SNTG1: variants seen among roughly 807,000 people sequenced by gnomAD.
SNTG1 encodes the protein syntrophin gamma 1, also known as gamma-1-syntrophin.
SNTG1 carries 39 observed loss-of-function variants against 74.7 expected under a neutral mutation model. The ratio of observed to expected loss-of-function variants is 0.52; its 90% CI spans 0.40 to 0.68. SNTG1 has a LOEUF of 0.68. Among genes scored for constraint, SNTG1 ranks in the 30% least tolerant of loss-of-function variants. SNTG1 has a pLI of 0.00. For missense variants in SNTG1, 685 were observed against 609.5 expected, an observed-to-expected ratio of 1.12 and a Z score of -1.30; for synonymous variants, 254 against 217.1, an observed-to-expected ratio of 1.17 and a Z score of -1.49.
Position 50,027,391 on chromosome 8 carries a change from G to A in SNTG1, c.-103+115160G>A, listed in dbSNP as rs529647421. On this transcript the variant is annotated intron_variant, in intron 1 of 18. Coordinates refer to ENST00000642720, the MANE Select transcript of SNTG1 (RefSeq NM_018967.5). Reference sequence around the variant, plus strand: ...GTCCATCTGTACTGCGTTGAACAATGTCTTCCAAAAATCTCTGTCTACCCA... The same window carrying A: ...GTCCATCTGTACTGCGTTGAACAATATCTTCCAAAAATCTCTGTCTACCCA... 2.0e-5 allele frequency among the ~76,000 whole-genome samples: 3 copies of A among 152,236 alleles called. No individual in the cohort carries two copies. In the South Asian group the frequency reaches 6.2e-4, roughly 32 times the overall value.
chr8:50,193,340 A>C lies in SNTG1; in HGVS notation c.-28+20705A>C, dbSNP rs142384511. 4.6e-5 allele frequency among the ~76,000 whole-genome samples: 7 copies of C among 152,156 alleles called. No homozygotes were observed. In the East Asian group the frequency reaches 1.2e-3, roughly 25 times the overall value. On this transcript the variant is annotated intron_variant, in intron 2 of 18. Coordinates refer to ENST00000642720, the MANE Select transcript of SNTG1 (RefSeq NM_018967.5). ...ACAATTTATTTCAGCAGTGTTTTGT[A>C]GTTTTCCTCATAGAAGTCTTTAGGC...
At chr8:50,122,517 GC>G (rs1399642587) in intron 1 of SNTG1, among the ~76,000 whole-genome samples, 1 of 141,890 alleles carries the variant, frequency 7.0e-6, no homozygotes, top group African/African-American at 2.5e-5. Flanking sequence ...GGCTATTAGA[GC>G]CTGAAGAATG....
rs529198311 is a variant in SNTG1 at position 50,462,851 on chromosome 8, T to C, written c.363+12122T>C. Among the ~76,000 whole-genome samples the C allele has an allele frequency of 9.7e-5, 12 of 123,126 alleles. No homozygotes were observed. The East Asian group carries it at 3.3e-3, about 33-fold the overall frequency. 80.8% of individuals were successfully genotyped at this position (123,126 alleles called of 152,430 possible). A position where few individuals can be genotyped will look rare whatever the true frequency, so the allele number is the denominator to read the frequency against. On this transcript the variant is annotated intron_variant, in intron 8 of 18. Transcript: ENST00000642720. Reference sequence around the variant, plus strand: ...TTTTTTTTTTGAGACGAAGTCTCATTGTGTTGCCAGGCTGGAGTGCAATGA... The same window carrying C: ...TTTTTTTTTTGAGACGAAGTCTCATCGTGTTGCCAGGCTGGAGTGCAATGA...
intron 1 of SNTG1, among the ~76,000 whole-genome samples, chr8:50,102,637 G>A (rs1158278128): frequency 6.7e-6 from 1 of 149,124 alleles, no homozygotes; most frequent in Non-Finnish European, 1.5e-5. Context: ...CCTTGCCCAT[G>A]CCTATGTCCT....
At chr8:50,099,017 T>C (rs985966549) in intron 1 of SNTG1, among the ~76,000 whole-genome samples, 16 of 152,140 alleles carry the variant, frequency 1.1e-4, no homozygotes, top group Non-Finnish European at 1.8e-4. Flanking sequence ...AGAAGGCATT[T>C]TGAAATTTTT....
intron 17 of SNTG1, among the ~76,000 whole-genome samples, chr8:50,720,813 T>C (rs193157456): frequency 9.4e-4 from 143 of 152,316 alleles, no homozygotes; most frequent in African/African-American, 3.4e-3. Flanking sequence ...TTTTAACATG[T>C]TCTATAGAAT....
chr8:50,757,768 T>C (rs1198994540), intron 18 of SNTG1, among the ~76,000 whole-genome samples: 1 of 151,976 alleles, frequency 6.6e-6, no homozygotes, highest in African/African-American at 2.4e-5. Context: ...TAGTCTTCCA[T>C]GTTTTACAGC....
intron 5 of SNTG1, among the ~76,000 whole-genome samples, chr8:50,439,716 CTT>C (rs60899125): frequency 1.1e-4 from 11 of 102,036 alleles, no homozygotes; most frequent in Admixed American, 2.0e-4. Flanking sequence ...TTTTGTTTTG[CTT>C]TTTTTTTTTT....
chr8:50,064,563 C>T (rs1415270783), intron 1 of SNTG1, among the ~76,000 whole-genome samples: 1 of 152,240 alleles, frequency 6.6e-6, no homozygotes, highest in Admixed American at 6.5e-5. Flanking sequence ...TATTTGCTGT[C>T]ACCCTCAATG....
intron 1 of SNTG1, among the ~76,000 whole-genome samples, chr8:50,028,169 T>C (rs1044156334): frequency 2.6e-5 from 4 of 152,188 alleles, no homozygotes; most frequent in African/African-American, 9.7e-5. Context: ...TCCATCTCTA[T>C]AATTCTGTCA....
At chr8:50,605,582 TTCTC>T (rs975065040) in intron 13 of SNTG1, among the ~76,000 whole-genome samples, 18 of 152,052 alleles carry the variant, frequency 1.2e-4, no homozygotes, top group East Asian at 7.7e-4. Flanking sequence ...AGTGCACAGA[TTCTC>T]TCTTCACACC....
At chr8:50,233,745 G>T (rs2085751902) in intron 2 of SNTG1, among the ~76,000 whole-genome samples, 1 of 144,026 alleles carries the variant, frequency 6.9e-6, no homozygotes, top group Non-Finnish European at 1.5e-5. Context: ...AAAAAAAAAT[G>T]AAGACACATT....
At chr8:50,572,752 C>G (rs2094556305) in intron 12 of SNTG1, among the ~76,000 whole-genome samples, 1 of 152,068 alleles carries the variant, frequency 6.6e-6, no homozygotes, top group Non-Finnish European at 1.5e-5. Context: ...CATCTTGTAT[C>G]CTTACACTAA....
chr8:50,500,230 CT>C (rs199708802), intron 8 of SNTG1, among the ~76,000 whole-genome samples: 203 of 139,536 alleles, frequency 1.5e-3, no homozygotes, highest in Non-Finnish European at 1.4e-3. Context: ...GTTACTTTTT[CT>C]TTTTTTTTTT....
In SNTG1 at chr8:50,339,389, T is replaced by G. The variant is rs75179057; in HGVS notation, c.-27-54823T>G. Among the ~76,000 whole-genome samples the G allele has an allele frequency of 2.9e-3, 445 of 152,100 alleles. 1 individual carries two copies. Among genetic ancestry groups the G allele is most frequent in the African/African-American group, 0.01 (432 of 41,560 alleles). On this transcript the variant is annotated intron_variant, in intron 2 of 18. Transcript: ENST00000642720. Reference sequence around the variant, plus strand: ...TTAAAAAATAAATAAAAACAAGATCTTGTTTATATTTAATTTAGCTAACAG... The same window carrying G: ...TTAAAAAATAAATAAAAACAAGATCGTGTTTATATTTAATTTAGCTAACAG...
chr8:50,149,780 G>A (rs375149900), intron 1 of SNTG1, among the ~76,000 whole-genome samples: 32 of 152,308 alleles, frequency 2.1e-4, no homozygotes, highest in Admixed American at 1.4e-3. Flanking sequence ...TACCATTGCT[G>A]TTTTGGTCAC....
chr8:50,299,844 C>T (rs1040726088), intron 2 of SNTG1, among the ~76,000 whole-genome samples: 7 of 152,008 alleles, frequency 4.6e-5, no homozygotes, highest in African/African-American at 1.2e-4. Context: ...TAAGATCTTA[C>T]GTCTACAACC....
At chr8:50,373,780 A>T (rs769763215) in intron 2 of SNTG1, among the ~76,000 whole-genome samples, 2 of 152,188 alleles carry the variant, frequency 1.3e-5, no homozygotes, top group Non-Finnish European at 2.9e-5. Context: ...ATATCTGTTC[A>T]TGGTGACAAT....
chr8:50,636,567 C>G (rs1004429401), intron 13 of SNTG1, among the ~76,000 whole-genome samples: 2 of 152,066 alleles, frequency 1.3e-5, no homozygotes, highest in African/African-American at 4.8e-5. Context: ...ATGAAAATTC[C>G]CAAAGTCACT....
Sources: gnomAD v4.1 joint callset for allele counts (sites outside exome capture counted in the v4.1 genomes callset) on GRCh38, gnomAD v4.1.1 for gene constraint, MANE v1.5 for transcripts, NCBI Gene and HGNC (gene_info 2026-07-23, HGNC 2026-07-21) for gene names.